Variants in PCDH15 observed in about 807,000 individuals in gnomAD.
PCDH15 encodes the protein protocadherin related 15.
Under a neutral mutation model 178.5 loss-of-function variants are expected in PCDH15, and 129 were observed. The observed-to-expected ratio is 0.72, with a 90% CI of 0.63 to 0.84. The LOEUF (loss-of-function observed/expected upper bound fraction) is 0.84, where lower values mean the gene tolerates loss of function less well. Ranked by LOEUF, PCDH15 falls within the 40% of genes least tolerant of loss-of-function variation. The pLI is 0.00. For missense variants in PCDH15, 2,230 were observed against 2,099.9 expected (o/e 1.06, Z -1.21); for synonymous variants, 800 against 732.0 (o/e 1.09, Z -1.50).
intron 2 of PCDH15, among the ~76,000 whole-genome samples, chr10:55,400,351 T>A (rs1322565791): frequency 1.3e-5 from 2 of 152,114 alleles, no homozygotes. Context: ...ATGGACAAGT[T>A]ATAGGAGTGA....
intron 2 of PCDH15, among the ~76,000 whole-genome samples, chr10:54,542,611 C>T (rs573299471): frequency 1.3e-5 from 2 of 152,302 alleles, no homozygotes; most frequent in East Asian, 3.9e-4. Flanking sequence ...CACCTGATAA[C>T]ACCTTCCTTA....
Position 55,242,801 on chromosome 10 carries a change from C to T in PCDH15, c.-155-76150G>A, listed in dbSNP as rs537002800. 6.6e-5 allele frequency among the ~76,000 whole-genome samples: 10 copies of T among 152,316 alleles called. No homozygotes were observed. The East Asian group carries it at 1.9e-3, about 29-fold the overall frequency. On this transcript the variant is annotated intron_variant, in intron 1 of 5. Transcript: ENST00000458638. ...AGGAGGTTGAGCCGTGATCCCACCACTGCACTCCAGCCTGGGCAACAGAGC... is the reference window on the plus strand; with the variant it reads ...AGGAGGTTGAGCCGTGATCCCACCATTGCACTCCAGCCTGGGCAACAGAGC...
chr10:55,061,579 A>T (rs1370029492), intron 2 of PCDH15, among the ~76,000 whole-genome samples: 2 of 152,212 alleles, frequency 1.3e-5, no homozygotes, highest in African/African-American at 4.8e-5. Flanking sequence ...AAAAACTTTC[A>T]TTCATAGAAA....
At chr10:53,848,450 C>A (rs2078123847) in intron 28 of PCDH15, among the ~76,000 whole-genome samples, 1 of 151,938 alleles carries the variant, frequency 6.6e-6, no homozygotes, top group African/African-American at 2.4e-5. Context: ...ATAAACTGAA[C>A]TGAATGATAT....
intron 2 of PCDH15, among the ~76,000 whole-genome samples, chr10:54,953,517 T>C (rs531079161): frequency 1.3e-5 from 2 of 151,508 alleles, no homozygotes; most frequent in South Asian, 4.1e-4. Flanking sequence ...ATCATTATAA[T>C]ACACCTAATC....
chr10:54,934,067 G>A (rs543381602), intron 2 of PCDH15, among the ~76,000 whole-genome samples: 25 of 152,178 alleles, frequency 1.6e-4, no homozygotes, highest in South Asian at 1.2e-3. Context: ...CTAAAATAAC[G>A]TCATGTATAT....
intron 30 of PCDH15, among the ~76,000 whole-genome samples, chr10:53,829,304 A>G (rs1188569443): frequency 1.3e-5 from 2 of 152,186 alleles, no homozygotes; most frequent in African/African-American, 4.8e-5. Flanking sequence ...AGAATTAAAT[A>G]ATGCGTCTAT....
intron 8 of PCDH15, among the ~76,000 whole-genome samples, chr10:54,268,251 T>G (rs1376927556): frequency 6.6e-6 from 1 of 151,760 alleles, no homozygotes; most frequent in Non-Finnish European, 1.5e-5. Context: ...TAGGCTCCTG[T>G]CTCTGACCAT....
At chr10:54,899,873 A>G (rs1034818361) in intron 2 of PCDH15, among the ~76,000 whole-genome samples, 3 of 152,122 alleles carry the variant, frequency 2.0e-5, no homozygotes, top group African/African-American at 7.2e-5. Flanking sequence ...TATGTATTTC[A>G]GTAGAAAATA....
intron 8 of PCDH15, among the ~76,000 whole-genome samples, chr10:54,239,771 G>C (rs769858102): frequency 9.9e-5 from 15 of 151,948 alleles, no homozygotes; most frequent in Non-Finnish European, 2.1e-4. Flanking sequence ...TTGTCCTATA[G>C]AGACTAGCAA....
At chr10:53,938,299 G>T (rs2085750447) in intron 25 of PCDH15, among the ~76,000 whole-genome samples, 1 of 151,964 alleles carries the variant, frequency 6.6e-6, no homozygotes, top group African/African-American at 2.4e-5. Flanking sequence ...GTAAAACAGG[G>T]TAGTAATTCT....
At chr10:53,836,742 A>G (rs1900455) in intron 29 of PCDH15, among the ~76,000 whole-genome samples, 60,707 of 152,004 alleles carry the variant, frequency 0.4, 12,820 homozygotes, top group East Asian at 0.75. Flanking sequence ...CAAGTAGGAC[A>G]CAAAAAGCCT....
At chr10:55,440,979 G>A (rs993610956) in intron 2 of PCDH15, among the ~76,000 whole-genome samples, 1 of 152,162 alleles carries the variant, frequency 6.6e-6, no homozygotes, top group Non-Finnish European at 1.5e-5. Flanking sequence ...TGCCCCCCAT[G>A]ATTCAATTAT....
At position 54,838,721 on chromosome 10, in the gene PCDH15, G is replaced by A. The variant is rs533392493; in HGVS notation, c.-29+58729C>T. Among the ~76,000 whole-genome samples the A allele has an allele frequency of 3.3e-5, 5 of 152,242 alleles. No homozygotes were observed. In the South Asian group the frequency reaches 1.0e-3, roughly 32 times the overall value. Reference sequence around the variant, plus strand: ...GAGTACATCTTCCCACCCTCTAGGAGGTATGTCGCTTTGTGTACCTAGAGG... The same window carrying A: ...GAGTACATCTTCCCACCCTCTAGGAAGTATGTCGCTTTGTGTACCTAGAGG... On this transcript the variant is annotated intron_variant, in intron 3 of 5. Coordinates refer to the PCDH15 transcript ENST00000458638.
chr10:54,614,324 C>T (rs996398096), intron 2 of PCDH15, among the ~76,000 whole-genome samples: 14 of 151,970 alleles, frequency 9.2e-5, no homozygotes, highest in Admixed American at 5.3e-4. Flanking sequence ...ATCAAATCTC[C>T]GCTATTTTAT....
chr10:54,626,406 C>G (rs1377305234), intron 2 of PCDH15, among the ~76,000 whole-genome samples: 2 of 152,118 alleles, frequency 1.3e-5, no homozygotes, highest in African/African-American at 4.8e-5. Flanking sequence ...GGCTCAAAGT[C>G]CCCCTGCTGT....
chr10:53,903,646 A>C (rs1271459700), intron 25 of PCDH15, among the ~76,000 whole-genome samples: 1 of 152,096 alleles, frequency 6.6e-6, no homozygotes, highest in Non-Finnish European at 1.5e-5. Flanking sequence ...CACCCTGTTA[A>C]TTTTAATGAA....
chr10:54,236,925 G>T lies in PCDH15; in HGVS notation c.883C>A (p.Leu295Met), dbSNP rs749219071. 1.2e-6 allele frequency: 2 copies of T among 1,612,598 alleles called. No homozygotes were observed. The highest frequency in any genetic ancestry group is 1.1e-5 in the South Asian group (1 of 91,054). ...AIPELRTPEE[L>M]NPIIVTPPIQ... ...GGTGGCGTAACAATAATGGGGTTCA[G>T]TTCTTCCTGAAAAAAAAATTAAGAG... The change falls in exon 9 of 38, where the codon CTG becomes ATG. Residue 295 changes from leucine to methionine, a missense_variant. Coordinates refer to ENST00000644397, the MANE Select transcript of PCDH15 (RefSeq NM_001384140.1).
At chr10:54,601,148 T>G (rs1453259526) in intron 2 of PCDH15, among the ~76,000 whole-genome samples, 2 of 151,996 alleles carry the variant, frequency 1.3e-5, no homozygotes, top group Non-Finnish European at 2.9e-5. Flanking sequence ...TAGCAGTACT[T>G]GCTCAATAAA....
Sources: allele counts gnomAD v4.1 joint callset (sites outside exome capture counted in the v4.1 genomes callset), GRCh38; gene constraint gnomAD v4.1.1; transcripts MANE v1.5; gene names NCBI Gene and HGNC (gene_info 2026-07-23, HGNC 2026-07-21).